ANKFY1: variants seen among roughly 807,000 people sequenced by gnomAD.
ANKFY1 encodes ankyrin repeat and FYVE domain-containing protein 1.
A neutral mutation model predicts 128.3 loss-of-function variants in ANKFY1; 47 were observed. The observed-to-expected ratio is 0.37, with a 90% confidence interval of 0.29 to 0.47. The LOEUF is 0.47. ANKFY1 is among the 20% of genes least tolerant of loss of function. ANKFY1 has a pLI of 1.00. For synonymous variants in ANKFY1, 553 were observed against 601.6 expected (o/e 0.92, Z 1.18); for missense variants, 1,222 against 1,510.6 (o/e 0.81, Z 3.17).
chr17:4,211,835 G>A (rs917092509), intron 4 of ANKFY1, among the ~76,000 whole-genome samples: 4 of 151,884 alleles, frequency 2.6e-5, no homozygotes, highest in Admixed American at 6.6e-5. Context: ...GCGGTGAACC[G>A]TGATCGCACC....
At chr17:4,251,544 A>AC in intron 1 of ANKFY1, among the ~76,000 whole-genome samples, 1 of 151,474 alleles carries the variant, frequency 6.6e-6, no homozygotes, top group South Asian at 2.1e-4. Context: ...TTAAAAAAAA[A>AC]AAAAACAAAA....
Position 4,209,806 on chromosome 17 carries a change from A to C in ANKFY1, c.582+18T>G. The C allele has an allele frequency of 6.3e-7, 1 of 1,592,650 alleles. No individual in the cohort carries two copies. The highest frequency in any genetic ancestry group is 8.6e-7 in the Non-Finnish European group (1 of 1,162,416). On this transcript the variant is annotated intron_variant, in intron 5 of 24. Transcript: ENST00000341657. Reference sequence around the variant, plus strand: ...CTGCCAGCTAGAGTGCTTTGTTGACACCCTCAACCTCACTCACCCAATGAC... The same window carrying C: ...CTGCCAGCTAGAGTGCTTTGTTGACCCCCTCAACCTCACTCACCCAATGAC...
intron 3 of ANKFY1, among the ~76,000 whole-genome samples, chr17:4,231,257 T>G (rs2143232985): frequency 6.6e-6 from 1 of 152,260 alleles, no homozygotes; most frequent in Non-Finnish European, 1.5e-5. Flanking sequence ...ACACTTTGGG[T>G]AGCCAAGGCA....
At chr17:4,203,974 C>T (rs1232770552) in intron 7 of ANKFY1, among the ~76,000 whole-genome samples, 1 of 151,926 alleles carries the variant, frequency 6.6e-6, no homozygotes, top group Non-Finnish European at 1.5e-5. Flanking sequence ...AAGGAGATGG[C>T]ATCCCTCTGG....
Position 4,182,316 on chromosome 17 carries a change from G to A in ANKFY1, c.1986C>T (p.Ala662=). ...TQDGETALQL[A]IRNQLPLVVD... The stretch of plus-strand genomic sequence containing the variant: ...CTACGAGTGGAAGCTGGTTTCTGAT[G>A]GCCAGCTGGAGGGCTGTCTCCCCGT... Residue 662 remains alanine (A), a synonymous_variant, in exon 15 of 25, where the codon GCC becomes GCT. Coordinates refer to ENST00000341657, the MANE Select transcript of ANKFY1 (RefSeq NM_001330063.2). The A allele has an allele frequency of 6.3e-7, 1 of 1,590,430 alleles. No homozygotes were observed. Among genetic ancestry groups the A allele is most frequent in the Non-Finnish European group, 8.6e-7 (1 of 1,167,232 alleles).
chr17:4,220,962 A>G (rs977935350), intron 3 of ANKFY1, among the ~76,000 whole-genome samples: 4 of 152,244 alleles, frequency 2.6e-5, no homozygotes, highest in African/African-American at 9.6e-5. Context: ...AAGGCCCTGC[A>G]TGCAAGCCAG....
chr17:4,220,173 A>T (rs754469961), intron 3 of ANKFY1, among the ~76,000 whole-genome samples: 1 of 152,214 alleles, frequency 6.6e-6, no homozygotes, highest in Non-Finnish European at 1.5e-5. Context: ...TTTTAACACC[A>T]GACAGAAAAC....
At position 4,164,725 on chromosome 17, in the gene ANKFY1, T is replaced by C. The variant is rs1203404841; in HGVS notation, c.*3054A>G. On this transcript the variant is annotated 3_prime_UTR_variant, in exon 25 of 25. Coordinates refer to ENST00000341657, the MANE Select transcript of ANKFY1 (RefSeq NM_001330063.2). ...ACTCCGTGCCCGTGGAGAAGATTAG[T>C]GCAGAAACGGTTCAATATGGCAGGT... 2.0e-5 allele frequency: 3 copies of C among 152,350 alleles called. No individual in the cohort carries two copies. The highest frequency in any genetic ancestry group is 2.9e-5 in the Non-Finnish European group (2 of 68,054). The allele number at this position is 152,350 out of a possible 1,614,324, so 9.4% of individuals were successfully genotyped here.
At chr17:4,247,984 T>A (rs756030487) in intron 1 of ANKFY1, among the ~76,000 whole-genome samples, 1 of 152,202 alleles carries the variant, frequency 6.6e-6, no homozygotes, top group Non-Finnish European at 1.5e-5. Context: ...TGCAAGATTC[T>A]CCCTGCACAC....
intron 3 of ANKFY1, among the ~76,000 whole-genome samples, chr17:4,233,521 GT>G (rs1204105267): frequency 2.0e-5 from 3 of 152,180 alleles, no homozygotes; most frequent in Non-Finnish European, 4.4e-5. Flanking sequence ...ACAACTTTTA[GT>G]TATGGACCTC....
At chr17:4,222,921 T>A (rs2060351784) in intron 3 of ANKFY1, 4 of 1,240,150 alleles carry the variant, frequency 3.2e-6, no homozygotes, top group South Asian at 2.4e-5. Flanking sequence ...CTCCTCAGGT[T>A]ATCCTACCTT....
In ANKFY1 at chr17:4,197,438, C is replaced by T; in HGVS notation, c.1038G>A (p.Met346Ile). The T allele has an allele frequency of 6.2e-7, 1 of 1,614,220 alleles. No individual in the cohort carries two copies. The highest frequency in any genetic ancestry group is 8.5e-7 in the Non-Finnish European group (1 of 1,180,044). ...GCAGAAGGGCCTCTGCAATCTGCGC[C>T]ATCTCAGACATCACATCTGCTGAGT... Reference protein sequence around the residue: ...KKHSADVMSEMAQIAEALLQA... With the variant: ...KKHSADVMSEIAQIAEALLQA... Residue 346 changes from methionine (M) to isoleucine (I), a missense_variant, in exon 8 of 25, where the codon ATG (methionine) becomes ATA (isoleucine). Coordinates refer to ENST00000341657, the MANE Select transcript of ANKFY1 (RefSeq NM_001330063.2).
In ANKFY1 at chr17:4,242,447, C is replaced by T; in HGVS notation, c.12G>A (p.Glu4=). The change falls in exon 2 of 25, where the codon GAG becomes GAA. Residue 4 remains glutamate, a splice_region_variant and synonymous_variant. Transcript: ENST00000341657. The part of the protein sequence containing the change: MAE[E]EVAKLEKHLM... Reference sequence around the variant, plus strand: ...AGTGCTTCTCCAACTTGGCCACCTCCTCTGCAAGGAAAACGAAGAATCAAG... The same window carrying T: ...AGTGCTTCTCCAACTTGGCCACCTCTTCTGCAAGGAAAACGAAGAATCAAG... 1.3e-6 allele frequency: 2 copies of T among 1,549,504 alleles called. No homozygotes were observed. Among genetic ancestry groups the T allele is most frequent in the East Asian group, 2.4e-5 (1 of 41,378 alleles).
intron 3 of ANKFY1, among the ~76,000 whole-genome samples, chr17:4,230,943 C>T (rs2060503328): frequency 6.6e-6 from 1 of 151,994 alleles, no homozygotes; most frequent in Middle Eastern, 3.2e-3. Context: ...CATACAATAC[C>T]AATACCATTA....
chr17:4,207,834 G>A (rs1003953626), intron 6 of ANKFY1, 99 bp downstream of exon 6: 10 of 1,237,060 alleles, frequency 8.1e-6, no homozygotes, highest in Non-Finnish European at 1.1e-5. Flanking sequence ...GTTAAAGACT[G>A]TGCCAGTCAT....
At chr17:4,182,377 C>A (rs200104984) in intron 14 of ANKFY1, 28 bp from the exon 15 acceptor site, 2 of 1,491,660 alleles carry the variant, frequency 1.3e-6, no homozygotes, top group East Asian at 4.9e-5. Flanking sequence ...CCCAAACCAA[C>A]GTTTGTGGTT....
At chr17:4,180,760 CAAAAAAAAAAA>C (rs11392631) in intron 16 of ANKFY1, among the ~76,000 whole-genome samples, 140 of 58,036 alleles carry the variant, frequency 2.4e-3, no homozygotes, top group African/African-American at 8.3e-3. Flanking sequence ...GACTCTGTCT[CAAAAAAAAAAA>C]AAAAAAAAAA....
intron 22 of ANKFY1, among the ~76,000 whole-genome samples, chr17:4,171,571 A>G (rs1474228422): frequency 6.6e-6 from 1 of 152,164 alleles, no homozygotes; most frequent in Non-Finnish European, 1.5e-5. Flanking sequence ...CTAGAATGCG[A>G]CAGGGCCAGG....
In ANKFY1 at chr17:4,230,358, T is replaced by A. The variant is rs543190645; in HGVS notation, c.322+5414A>T. On this transcript the variant is annotated intron_variant, in intron 3 of 24. Coordinates refer to ENST00000341657, the MANE Select transcript of ANKFY1 (RefSeq NM_001330063.2). The stretch of plus-strand genomic sequence containing the variant: ...CCTGAGCCCTTATGCCAAGGAACTG[T>A]AAGATCTTTGCTTGAGAAAGTATGC... 1.9e-4 allele frequency among the ~76,000 whole-genome samples: 29 copies of A among 152,314 alleles called. No homozygotes were observed. In the Middle Eastern group the frequency reaches 0.014, roughly 71 times the overall value.
Sources: gnomAD v4.1 joint callset for allele counts (sites outside exome capture counted in the v4.1 genomes callset) on GRCh38, gnomAD v4.1.1 for gene constraint, MANE v1.5 for transcripts, NCBI Gene and HGNC (gene_info 2026-07-23, HGNC 2026-07-21) for gene names.